The following CFAP54 variants were observed in gnomAD, a reference collection of about 807,000 sequenced individuals.
The protein encoded by CFAP54 is cilia- and flagella-associated protein 54.
CFAP54 carries 290 observed loss-of-function variants against 370.4 expected under a neutral mutation model. That is an observed-to-expected ratio of 0.78 (90% confidence interval 0.71 to 0.86). CFAP54 has a LOEUF of 0.86. Among genes scored for constraint, CFAP54 ranks in the 40% least tolerant of loss-of-function variants. The pLI is 0.00. For missense variants in CFAP54, 3,399 were observed against 3,528.7 expected, an observed-to-expected ratio of 0.96 and a Z score of 0.93; for synonymous variants, 1,206 against 1,236.5, an observed-to-expected ratio of 0.98 and a Z score of 0.52.
chr12:96,831,648 G>T (rs1197492702), intron 66 of CFAP54, among the ~76,000 whole-genome samples: 1 of 152,166 alleles, frequency 6.6e-6, no homozygotes, highest in Non-Finnish European at 1.5e-5. Flanking sequence ...AGTGACATTT[G>T]AAGTAAGACC....
chr12:96,617,045 T>C (rs1415821098), intron 26 of CFAP54, among the ~76,000 whole-genome samples: 1 of 152,100 alleles, frequency 6.6e-6, no homozygotes, highest in East Asian at 1.9e-4. Context: ...TCTGAAACTC[T>C]AAATAGACAA....
chr12:96,653,478 A>G (rs539209025), intron 36 of CFAP54, among the ~76,000 whole-genome samples: 1 of 152,344 alleles, frequency 6.6e-6, no homozygotes, highest in East Asian at 1.9e-4. Flanking sequence ...TATAGGAAGA[A>G]AAATCTCCAA....
chr12:96,494,160 C>G (rs1342104373), intron 1 of CFAP54, among the ~76,000 whole-genome samples: 1 of 151,992 alleles, frequency 6.6e-6, no homozygotes, highest in Non-Finnish European at 1.5e-5. Flanking sequence ...GGACAGAATC[C>G]CATTTAGCAG....
intron 5 of CFAP54, among the ~76,000 whole-genome samples, chr12:96,514,453 C>T (rs994094633): frequency 1.3e-5 from 2 of 152,220 alleles, no homozygotes; most frequent in Non-Finnish European, 2.9e-5. Context: ...TCTCCCAGGC[C>T]TAATGTAAAC....
At chr12:96,768,610 C>T (rs1958425653) in intron 60 of CFAP54, among the ~76,000 whole-genome samples, 1 of 151,634 alleles carries the variant, frequency 6.6e-6, no homozygotes, top group African/African-American at 2.4e-5. Context: ...GCCGAGATCA[C>T]GCCACTCACT....
intron 26 of CFAP54, among the ~76,000 whole-genome samples, chr12:96,608,742 G>A (rs763445258): frequency 5.9e-5 from 9 of 152,022 alleles, no homozygotes; most frequent in African/African-American, 9.7e-5. Context: ...GATTACAGGC[G>A]TGAGCCACCA....
intron 60 of CFAP54, among the ~76,000 whole-genome samples, chr12:96,771,954 G>T (rs1958467164): frequency 6.6e-6 from 1 of 152,132 alleles, no homozygotes; most frequent in Non-Finnish European, 1.5e-5. Context: ...GAAAATAATT[G>T]TAAGTATTCA....
At chr12:96,686,691 C>T (rs1219966761) in intron 42 of CFAP54, among the ~76,000 whole-genome samples, 1 of 152,144 alleles carries the variant, frequency 6.6e-6, no homozygotes, top group Non-Finnish European at 1.5e-5. Flanking sequence ...GAGGGATCCA[C>T]CACCATGATC....
chr12:96,807,330 A>G (rs1243080178), intron 63 of CFAP54, among the ~76,000 whole-genome samples: 1 of 152,218 alleles, frequency 6.6e-6, no homozygotes, highest in Admixed American at 6.5e-5. Context: ...TTAGCTGCTT[A>G]CTAATTAATA....
Position 96,718,492 on chromosome 12 carries a change from T to TA in CFAP54, c.6777dup (p.Asp2260ArgfsTer2). 2 of 1,575,774 alleles carry TA rather than the reference T, an allele frequency of 1.3e-6. No individual in the cohort carries two copies. Among genetic ancestry groups the TA allele is most frequent in the Non-Finnish European group, 1.7e-6 (2 of 1,146,310 alleles). On this transcript the variant is annotated frameshift_variant, in exon 49 of 68. Coordinates refer to ENST00000524981, the MANE Select transcript of CFAP54 (RefSeq NM_001306084.2). LOFTEE classifies it high-confidence loss of function. ...GTTCATTTTATAATCTTACAAAACTTAAAGATGAGATCACTCTTAGCATGC... is the reference window on the plus strand; with the variant it reads ...GTTCATTTTATAATCTTACAAAACTTAAAAGATGAGATCACTCTTAGCATGC...
intron 66 of CFAP54, among the ~76,000 whole-genome samples, chr12:96,860,134 A>ATTTTTTTTTTTTTTTTTTTTTTTTTTTTT (rs137937553): frequency 7.8e-6 from 1 of 127,990 alleles, no homozygotes; most frequent in Non-Finnish European, 1.6e-5. Flanking sequence ...TTGTTCTCTA[A>ATTTTTTTTTTTTTTTTTTTTTTTTTTTTT]TTTTTTTTTT....
intron 45 of CFAP54, 27 bp downstream of exon 45, chr12:96,693,835 G>A: frequency 7.2e-7 from 1 of 1,385,316 alleles, no homozygotes. Flanking sequence ...TAAGACATTT[G>A]ATATTCTTGA....
intron 23 of CFAP54, among the ~76,000 whole-genome samples, chr12:96,592,265 A>G (rs1366905029): frequency 1.3e-5 from 2 of 152,212 alleles, no homozygotes; most frequent in Admixed American, 6.5e-5. Context: ...TATGTATTAG[A>G]ACCCCCAAAA....
chr12:96,832,465 G>A lies in CFAP54; in HGVS notation c.9171+3377G>A, dbSNP rs533739129. On this transcript the variant is annotated intron_variant, in intron 66 of 67. Transcript: ENST00000524981. ...CCTCAGTTTTCTCATATGTAAAAAA[G>A]TACAAATTCCAACCTCTCACAGTTG... is the stretch of plus-strand genomic sequence containing the variant. Among the ~76,000 whole-genome samples the A allele has an allele frequency of 1.1e-4, 17 of 151,968 alleles. 1 individual carries two copies. The South Asian group carries it at 2.5e-3, about 22-fold the overall frequency.
At chr12:96,824,795 T>C (rs1440183927) in intron 65 of CFAP54, among the ~76,000 whole-genome samples, 1 of 152,154 alleles carries the variant, frequency 6.6e-6, no homozygotes, top group Non-Finnish European at 1.5e-5. Flanking sequence ...TTTTAAACTG[T>C]GGTCAAATTA....
intron 22 of CFAP54, among the ~76,000 whole-genome samples, chr12:96,586,475 A>G (rs1956077004): frequency 6.6e-6 from 1 of 152,196 alleles, no homozygotes; most frequent in Admixed American, 6.5e-5. Context: ...TTACAATATT[A>G]AATAGGGTGA....
intron 50 of CFAP54, among the ~76,000 whole-genome samples, chr12:96,720,944 C>G (rs938748653): frequency 6.6e-6 from 1 of 151,506 alleles, no homozygotes; most frequent in African/African-American, 2.4e-5. Context: ...CACTTGAGCC[C>G]GGGAGGCAGA....
At chr12:96,556,556 C>G (rs1353047240) in intron 17 of CFAP54, among the ~76,000 whole-genome samples, 1 of 152,002 alleles carries the variant, frequency 6.6e-6, no homozygotes, top group East Asian at 1.9e-4. Flanking sequence ...GAGTCAGAAA[C>G]CTGAACTGCA....
chr12:96,778,349 C>T (rs1958544611), intron 60 of CFAP54, among the ~76,000 whole-genome samples: 1 of 152,154 alleles, frequency 6.6e-6, no homozygotes, highest in Admixed American at 6.5e-5. Context: ...TGAAAGGCTG[C>T]AACAAATAAT....
Sources: gnomAD v4.1 joint callset for allele counts (sites outside exome capture counted in the v4.1 genomes callset) on GRCh38, gnomAD v4.1.1 for gene constraint, MANE v1.5 for transcripts, NCBI Gene and HGNC (gene_info 2026-07-23, HGNC 2026-07-21) for gene names.